Variants in CAMK2D observed in about 807,000 individuals in gnomAD.
CAMK2D encodes the protein calcium/calmodulin-dependent protein kinase type II subunit delta.
In CAMK2D, 37 loss-of-function variants were observed where a neutral mutation model predicts 84.0. The observed-to-expected ratio is 0.44, with a 90% CI of 0.34 to 0.58. The LOEUF is 0.58. CAMK2D is among the 20% of genes least tolerant of loss of function. The pLI is 0.02. For missense variants in CAMK2D, 448 were observed against 652.5 expected, an observed-to-expected ratio of 0.69 and a Z score of 3.41; for synonymous variants, 202 against 212.5, an observed-to-expected ratio of 0.95 and a Z score of 0.43.
intron 4 of CAMK2D, among the ~76,000 whole-genome samples, chr4:113,558,606 C>T (rs1462134555): frequency 6.6e-6 from 1 of 152,138 alleles, no homozygotes; most frequent in African/African-American, 2.4e-5. Context: ...TGAGAGGGTC[C>T]TCGATTCAAT....
At chr4:113,620,723 G>A (rs888673426) in intron 3 of CAMK2D, among the ~76,000 whole-genome samples, 16 of 152,068 alleles carry the variant, frequency 1.1e-4, no homozygotes, top group Non-Finnish European at 2.2e-4. Flanking sequence ...AGCCAGGATA[G>A]TCTCGATCTC....
rs1456009619 is a variant in CAMK2D, at chr4:113,489,455, AC to A, written c.1135+11007del. ...GATTTCCAATTTCATCCATGTCCCT[AC>A]AAAGGACATGAACTCATCATTTTTT... On this transcript the variant is annotated intron_variant, in intron 16 of 20. Transcript: ENST00000511664. Among the ~76,000 whole-genome samples, 3 of 151,874 alleles carry A rather than the reference AC, an allele frequency of 2.0e-5. No homozygotes were observed. In the East Asian group the frequency reaches 5.8e-4, roughly 29 times the overall value.
chr4:113,489,313 CAG>C lies in CAMK2D; in HGVS notation c.1135+11148_1135+11149del, dbSNP rs1340028606. Among the ~76,000 whole-genome samples, 6 of 139,306 alleles carry C rather than the reference CAG, an allele frequency of 4.3e-5. No homozygotes were observed. In the Admixed American group the frequency reaches 4.6e-4, roughly 11 times the overall value. 91.4% of individuals were successfully genotyped at this position (139,306 alleles called of 152,430 possible). The stretch of plus-strand genomic sequence containing the variant: ...CCTCCCCCCACCCCACAACAGTCCC[CAG>C]AGTGTGATAGTCCCCTTCCTGTGTC... On this transcript the variant is annotated intron_variant, in intron 16 of 20. Coordinates refer to ENST00000511664, the MANE Select transcript of CAMK2D (RefSeq NM_001321571.2).
At chr4:113,490,015 T>C (rs1362362015) in intron 16 of CAMK2D, among the ~76,000 whole-genome samples, 15 of 152,048 alleles carry the variant, frequency 9.9e-5, no homozygotes, top group African/African-American at 3.6e-4. Context: ...TAAATGTGTT[T>C]GAGTTCATTG....
intron 2 of CAMK2D, among the ~76,000 whole-genome samples, chr4:113,735,289 GAAAAAAAAAAAAAAAAAAAA>G (rs769117708): frequency 5.8e-4 from 26 of 44,764 alleles, no homozygotes; most frequent in South Asian, 4.9e-3. Flanking sequence ...ATCTCTACAG[GAAAAAAAAAAAAAAAAAAAA>G]AAAAAAAAAA....
intron 4 of CAMK2D, among the ~76,000 whole-genome samples, chr4:113,594,053 G>A (rs2098909900): frequency 6.6e-6 from 1 of 152,136 alleles, no homozygotes; most frequent in African/African-American, 2.4e-5. Flanking sequence ...TTGCTTCTGG[G>A]GAGACCTCAG....
intron 2 of CAMK2D, among the ~76,000 whole-genome samples, chr4:113,709,011 C>T (rs191768349): frequency 4.6e-5 from 7 of 152,110 alleles, no homozygotes; most frequent in East Asian, 1.9e-4. Context: ...TGTGAACCAC[C>T]GCGCCTGGCC....
At chr4:113,589,653 G>A (rs1005476730) in intron 4 of CAMK2D, among the ~76,000 whole-genome samples, 6 of 152,112 alleles carry the variant, frequency 3.9e-5, no homozygotes, top group Admixed American at 1.3e-4. Context: ...GAGATGAGGA[G>A]AACTGTTTTA....
At chr4:113,544,350 G>A (rs900569958) in intron 6 of CAMK2D, among the ~76,000 whole-genome samples, 1 of 152,134 alleles carries the variant, frequency 6.6e-6, no homozygotes, top group African/African-American at 2.4e-5. Flanking sequence ...TATTGTGGAT[G>A]TTGCTAGCAA....
intron 4 of CAMK2D, among the ~76,000 whole-genome samples, chr4:113,591,396 A>G (rs1470299863): frequency 1.3e-5 from 2 of 152,164 alleles, no homozygotes; most frequent in African/African-American, 4.8e-5. Context: ...TTCAGATCCA[A>G]TTAATCATCA....
chr4:113,645,798 C>G (rs114620553), intron 3 of CAMK2D, among the ~76,000 whole-genome samples: 1 of 152,090 alleles, frequency 6.6e-6, no homozygotes, highest in Non-Finnish European at 1.5e-5. Flanking sequence ...GGTAAGGAAG[C>G]AGCTAGCAGT....
At chr4:113,615,385 CT>C (rs2154271094) in intron 3 of CAMK2D, among the ~76,000 whole-genome samples, 1 of 152,202 alleles carries the variant, frequency 6.6e-6, no homozygotes, top group Admixed American at 6.5e-5. Flanking sequence ...TCAAATTACA[CT>C]CTCTGGAGAG....
chr4:113,503,168 T>C, intron 14 of CAMK2D, 191 bp from the exon 15 acceptor site: 1 of 725,930 alleles, frequency 1.4e-6, no homozygotes, highest in Non-Finnish European at 2.5e-6. Context: ...GGCCATGAGA[T>C]AGGAACCTCC....
intron 16 of CAMK2D, among the ~76,000 whole-genome samples, chr4:113,494,424 TG>T (rs918377344): frequency 4.6e-5 from 7 of 152,080 alleles, no homozygotes; most frequent in Non-Finnish European, 8.8e-5. Flanking sequence ...GTGCCCCTGC[TG>T]GGGGGTGCCT....
At position 113,760,869 on chromosome 4, in the gene CAMK2D, C is replaced by G. The variant is rs1383310119; in HGVS notation, c.65+135G>C. The G allele has an allele frequency of 6.5e-6, 7 of 1,075,368 alleles. No homozygotes were observed. In the Admixed American group the frequency reaches 1.3e-4, roughly 21 times the overall value. The allele number at this position is 1,075,368 out of a possible 1,614,324, so 66.6% of individuals were successfully genotyped here. A position where few individuals can be genotyped will look rare whatever the true frequency, so the allele number is the denominator to read the frequency against. On this transcript the variant is annotated intron_variant, in intron 1 of 20. Transcript: ENST00000511664. ...TATTAAGACAGCACCTTCCCCAGAGCTGACAAACCAGGGGCCCTCCTCCCA... is the reference window on the plus strand; with the variant it reads ...TATTAAGACAGCACCTTCCCCAGAGGTGACAAACCAGGGGCCCTCCTCCCA...
chr4:113,684,640 C>T (rs2099354444), intron 2 of CAMK2D, among the ~76,000 whole-genome samples: 1 of 152,160 alleles, frequency 6.6e-6, no homozygotes, highest in African/African-American at 2.4e-5. Flanking sequence ...AGAGGATGCA[C>T]ACTATGTCCC....
intron 2 of CAMK2D, among the ~76,000 whole-genome samples, chr4:113,737,544 C>T (rs568345293): frequency 1.6e-4 from 24 of 152,182 alleles, no homozygotes; most frequent in African/African-American, 5.8e-4. Context: ...AGACAAAAAA[C>T]TTCTGGAGAT....
chr4:113,662,155 A>G (rs2099236071), intron 2 of CAMK2D, among the ~76,000 whole-genome samples: 1 of 152,188 alleles, frequency 6.6e-6, no homozygotes, highest in South Asian at 2.1e-4. Context: ...TGAATTGCCA[A>G]TGGAATAAGT....
chr4:113,667,472 A>T (rs1016091844), intron 2 of CAMK2D, among the ~76,000 whole-genome samples: 7 of 152,308 alleles, frequency 4.6e-5, no homozygotes, highest in African/African-American at 1.7e-4. Flanking sequence ...GGAGCACTAT[A>T]ATGTAGCTAC....
Sources: allele counts gnomAD v4.1 joint callset (sites outside exome capture counted in the v4.1 genomes callset), GRCh38; gene constraint gnomAD v4.1.1; transcripts MANE v1.5; gene names NCBI Gene and HGNC (gene_info 2026-07-23, HGNC 2026-07-21).